MLLT10: variants seen among roughly 807,000 people sequenced by gnomAD.
MLLT10 encodes MLLT10 histone lysine methyltransferase DOT1L cofactor.
In MLLT10, 30 loss-of-function variants were observed where a neutral mutation model predicts 129.1. The ratio of observed to expected loss-of-function variants is 0.23; its 90% CI spans 0.17 to 0.32. The LOEUF is 0.32. MLLT10 is among the 10% of genes least tolerant of loss of function. The probability of loss-of-function intolerance (pLI) is 1.00; values close to 1 mark genes in which losing one functional copy is unlikely to be tolerated. For synonymous variants in MLLT10, 490 were observed against 446.4 expected, an observed-to-expected ratio of 1.10 and a Z score of -1.23; for missense variants, 1,119 against 1,268.3, an observed-to-expected ratio of 0.88 and a Z score of 1.79.
chr10:21,728,002 A>G, intron 16 of MLLT10, 74 bp downstream of exon 16: 4 of 1,212,808 alleles, frequency 3.3e-6, no homozygotes, highest in Non-Finnish European at 4.8e-6. Context: ...ATCTCATATC[A>G]GTAGAGTGTA....
intron 5 of MLLT10, among the ~76,000 whole-genome samples, chr10:21,600,089 G>C (rs569128340): frequency 1.3e-5 from 2 of 152,132 alleles, no homozygotes; most frequent in African/African-American, 4.8e-5. Context: ...AATATTATTT[G>C]AATCATTACT....
At chr10:21,726,758 G>C (rs2057547643) in intron 15 of MLLT10, among the ~76,000 whole-genome samples, 1 of 142,548 alleles carries the variant, frequency 7.0e-6, no homozygotes, top group South Asian at 2.2e-4. Context: ...CAGGAATGCA[G>C]CAGTGTCTCC....
rs921164267 is a variant in MLLT10, at chr10:21,534,313, C to T, written c.-208C>T. On this transcript the variant is annotated 5_prime_UTR_variant, in exon 1 of 23. Transcript: ENST00000307729. ...GCCCCTGGCCCAGCGGGAGCCCCCC[C>T]TCCCCCCAGTGCGCCTGTGCGGAGG... The T allele has an allele frequency of 1.1e-4, 41 of 374,164 alleles. 3 individuals carry two copies. The highest frequency in any genetic ancestry group is 3.0e-4 in the African/African-American group (14 of 46,562). The allele number at this position is 374,164 out of a possible 1,614,324, so 23.2% of individuals were successfully genotyped here.
chr10:21,629,996 G>A (rs1293797258), intron 8 of MLLT10, among the ~76,000 whole-genome samples: 1 of 152,174 alleles, frequency 6.6e-6, no homozygotes, highest in Non-Finnish European at 1.5e-5. Context: ...TCTCAGATTT[G>A]AAGACAAAAG....
intron 2 of MLLT10, among the ~76,000 whole-genome samples, chr10:21,536,400 G>A (rs1177307988): frequency 6.6e-6 from 1 of 152,228 alleles, no homozygotes; most frequent in Middle Eastern, 3.4e-3. Context: ...TGAATTGGAT[G>A]ATAAACTATC....
At chr10:21,533,938 C>T (rs2033271841), upstream of MLLT10, among the ~76,000 whole-genome samples, 1 of 152,134 alleles carries the variant, frequency 6.6e-6, no homozygotes, top group Admixed American at 6.5e-5. Flanking sequence ...CCTCCCCCGC[C>T]ACCTCCCAGG....
intron 13 of MLLT10, among the ~76,000 whole-genome samples, chr10:21,698,311 A>C (rs2054565522): frequency 6.6e-6 from 1 of 152,144 alleles, no homozygotes; most frequent in Admixed American, 6.5e-5. Flanking sequence ...TGAGTTGAGC[A>C]CATGTGGTAT....
intron 8 of MLLT10, among the ~76,000 whole-genome samples, chr10:21,637,355 C>T (rs1394689662): frequency 6.6e-6 from 1 of 152,102 alleles, no homozygotes; most frequent in Non-Finnish European, 1.5e-5. Context: ...CATAGAGCCC[C>T]TGTTATTTAA....
Position 21,556,751 on chromosome 10 carries a change from G to GT in MLLT10, c.240+17841dup, listed in dbSNP as rs760614699. ...CCACCCCCGATGCCTGGTGTCTAACGTTCCTCCAGTTTCTGGTGCTCTGAT... is the reference window on the plus strand; with the variant it reads ...CCACCCCCGATGCCTGGTGTCTAACGTTTCCTCCAGTTTCTGGTGCTCTGAT... On this transcript the variant is annotated intron_variant, in intron 3 of 22. Transcript: ENST00000307729. The GT allele has an allele frequency of 3.7e-6, 6 of 1,609,210 alleles. No individual in the cohort carries two copies. In the South Asian group the frequency reaches 5.6e-5, roughly 15 times the overall value.
chr10:21,659,295 CTAAAA>C (rs1252356160), intron 9 of MLLT10, among the ~76,000 whole-genome samples: 1 of 152,118 alleles, frequency 6.6e-6, no homozygotes, highest in Non-Finnish European at 1.5e-5. Flanking sequence ...TTAGCCAAAT[CTAAAA>C]TAAACTGGCT....
rs368900755 is a variant in MLLT10 at position 21,576,534 on chromosome 10, C to T, written c.241-9760C>T. Among the ~76,000 whole-genome samples the T allele has an allele frequency of 5.9e-5, 9 of 151,866 alleles. No homozygotes were observed. The East Asian group carries it at 7.8e-4, about 13-fold the overall frequency. The stretch of plus-strand genomic sequence containing the variant: ...GATTACAGGTGTGAGCCACCGTGCC[C>T]GGCCATTCCATTTACTTTTGACCTG... On this transcript the variant is annotated intron_variant, in intron 3 of 22. Transcript: ENST00000307729.
chr10:21,628,566 C>T (rs113652226), intron 8 of MLLT10, among the ~76,000 whole-genome samples: 5,121 of 151,018 alleles, frequency 0.034, 126 homozygotes, highest in African/African-American at 0.069. Context: ...CTCAGCCTCC[C>T]GAGTAGCTGG....
intron 9 of MLLT10, among the ~76,000 whole-genome samples, chr10:21,655,059 G>A (rs2049418936): frequency 6.6e-6 from 1 of 151,916 alleles, no homozygotes; most frequent in Non-Finnish European, 1.5e-5. Flanking sequence ...TTTAAGAGTA[G>A]GATATATGAA....
chr10:21,610,152 T>C (rs1232119961), intron 5 of MLLT10, among the ~76,000 whole-genome samples: 1 of 152,202 alleles, frequency 6.6e-6, no homozygotes, highest in Non-Finnish European at 1.5e-5. Context: ...TTCTTGTTTT[T>C]CCAGTTTGTT....
At chr10:21,738,560 G>C in intron 21 of MLLT10, 1 of 1,268,650 alleles carries the variant, frequency 7.9e-7, no homozygotes, top group Non-Finnish European at 1.0e-6. Context: ...ACTTAACGTA[G>C]GTGAGGATTT....
intron 3 of MLLT10, among the ~76,000 whole-genome samples, chr10:21,543,864 C>T (rs2035640245): frequency 6.6e-6 from 1 of 152,104 alleles, no homozygotes; most frequent in East Asian, 1.9e-4. Context: ...ACACAGGAGT[C>T]AAGAACCCTA....
chr10:21,593,253 C>T (rs1027771005), intron 4 of MLLT10, among the ~76,000 whole-genome samples: 3 of 152,076 alleles, frequency 2.0e-5, no homozygotes, highest in African/African-American at 7.2e-5. Flanking sequence ...TGCTGCCGCA[C>T]CTGACTCATT....
intron 3 of MLLT10, among the ~76,000 whole-genome samples, chr10:21,540,096 A>T (rs985317133): frequency 1.3e-5 from 2 of 152,082 alleles, no homozygotes; most frequent in Non-Finnish European, 2.9e-5. Context: ...GAAAAATTTT[A>T]AAAATTAGTT....
chr10:21,625,674 T>A lies in MLLT10; in HGVS notation c.699+8467T>A, dbSNP rs920959897. ...AATTCTTCCAGAGTGTTTTCTTTAG[T>A]CTTATTCTTCAGAATGGATCCAACA... is the stretch of plus-strand genomic sequence containing the variant. On this transcript the variant is annotated intron_variant, in intron 8 of 22. Transcript: ENST00000307729. 2.0e-5 allele frequency: 15 copies of A among 764,494 alleles called. No homozygotes were observed. In the African/African-American group the frequency reaches 2.2e-4, roughly 11 times the overall value. 47.4% of individuals were successfully genotyped at this position (764,494 alleles called of 1,614,324 possible).
Sources: gnomAD v4.1 joint callset for allele counts (sites outside exome capture counted in the v4.1 genomes callset) on GRCh38, gnomAD v4.1.1 for gene constraint, MANE v1.5 for transcripts, NCBI Gene and HGNC (gene_info 2026-07-23, HGNC 2026-07-21) for gene names.